CADPS2: variants seen among roughly 807,000 people sequenced by gnomAD.
CADPS2 encodes calcium dependent secretion activator 2.
In CADPS2, 93 loss-of-function variants were observed where a neutral mutation model predicts 172.5. The ratio of observed to expected loss-of-function variants is 0.54; its 90% CI spans 0.46 to 0.64. CADPS2 has a LOEUF of 0.64. Ranked by LOEUF, CADPS2 falls within the 30% of genes least tolerant of loss-of-function variation. The pLI is 0.00. For missense variants in CADPS2, 1,420 were observed against 1,565.9 expected (o/e 0.91, Z 1.57); for synonymous variants, 546 against 555.2 (o/e 0.98, Z 0.23).
chr7:122,697,942 G>A lies in CADPS2; in HGVS notation c.454-34373C>T, dbSNP rs944460381. ...CTCTTCACTAGGTGATAAGGTTTCA[G>A]GCAGTTCATTTGACATTAGAACTTG... On this transcript the variant is annotated intron_variant, in intron 2 of 29. Coordinates refer to ENST00000449022, the MANE Select transcript of CADPS2 (RefSeq NM_017954.11). 8 of 1,613,704 alleles carry A rather than the reference G, an allele frequency of 5.0e-6. No homozygotes were observed. In the African/African-American group the frequency reaches 1.1e-4, roughly 22 times the overall value.
At chr7:122,600,677 A>G (rs943307667) in intron 6 of CADPS2, among the ~76,000 whole-genome samples, 7 of 152,138 alleles carry the variant, frequency 4.6e-5, no homozygotes, top group Admixed American at 6.6e-5. Context: ...AAAGTCCAAC[A>G]AAAACTTGTT....
intron 1 of CADPS2, among the ~76,000 whole-genome samples, chr7:122,827,736 G>A (rs1805352958): frequency 6.6e-6 from 1 of 151,908 alleles, no homozygotes; most frequent in African/African-American, 2.4e-5. Flanking sequence ...ATTTTATGAA[G>A]GTGGCATTAT....
chr7:122,587,298 T>C (rs1052716727), intron 6 of CADPS2, among the ~76,000 whole-genome samples: 1 of 151,900 alleles, frequency 6.6e-6, no homozygotes, highest in Non-Finnish European at 1.5e-5. Context: ...CCAGTGTGTG[T>C]TGTTCCCCTC....
At chr7:122,384,524 A>G (rs1186492793) in intron 24 of CADPS2, among the ~76,000 whole-genome samples, 1 of 152,076 alleles carries the variant, frequency 6.6e-6, no homozygotes, top group African/African-American at 2.4e-5. Context: ...TCCGAAACTT[A>G]TCTCAGCATA....
intron 19 of CADPS2, among the ~76,000 whole-genome samples, chr7:122,411,120 C>T (rs1563269447): frequency 6.6e-6 from 1 of 152,148 alleles, no homozygotes; most frequent in Non-Finnish European, 1.5e-5. Context: ...TCCATCCATC[C>T]ATCTACCATC....
intron 11 of CADPS2, among the ~76,000 whole-genome samples, chr7:122,488,998 T>C (rs2058072280): frequency 6.6e-6 from 1 of 152,174 alleles, no homozygotes; most frequent in Non-Finnish European, 1.5e-5. Flanking sequence ...GAATGTGCTC[T>C]TTTTATTTTA....
intron 3 of CADPS2, among the ~76,000 whole-genome samples, chr7:122,644,080 AAAGGAAGGAAGGAATG>A (rs1307863875): frequency 6.6e-5 from 10 of 151,190 alleles, no homozygotes; most frequent in Admixed American, 3.9e-4. Context: ...GAAAGAAAAG[AAAGGAAGGAAGGAATG>A]AAGGAAGGAA....
intron 6 of CADPS2, among the ~76,000 whole-genome samples, chr7:122,597,419 T>C (rs774985212): frequency 2.6e-5 from 4 of 152,080 alleles, no homozygotes; most frequent in Non-Finnish European, 5.9e-5. Context: ...CCCCCTACAG[T>C]GTACATGTTG....
chr7:122,558,834 T>G (rs2065358240), intron 7 of CADPS2, among the ~76,000 whole-genome samples: 1 of 143,838 alleles, frequency 7.0e-6, no homozygotes, highest in South Asian at 2.3e-4. Context: ...GTGCATAAAC[T>G]CTGTGATCTG....
At chr7:122,572,202 G>T (rs143496641) in intron 7 of CADPS2, among the ~76,000 whole-genome samples, 1 of 152,066 alleles carries the variant, frequency 6.6e-6, no homozygotes, top group South Asian at 2.1e-4. Context: ...CTGCAAGATG[G>T]AATGGAAATT....
At chr7:122,866,181 A>C (rs1818266201) in intron 1 of CADPS2, among the ~76,000 whole-genome samples, 1 of 152,366 alleles carries the variant, frequency 6.6e-6, no homozygotes, top group South Asian at 2.1e-4. Flanking sequence ...TAACCATGTT[A>C]TAATCTCAAA....
At chr7:122,762,804 C>T (rs2093431789) in intron 1 of CADPS2, among the ~76,000 whole-genome samples, 1 of 152,060 alleles carries the variant, frequency 6.6e-6, no homozygotes, top group Non-Finnish European at 1.5e-5. Context: ...TCAAATGGCA[C>T]ATTTGCTAAG....
intron 20 of CADPS2, among the ~76,000 whole-genome samples, chr7:122,401,067 CCACTT>C (rs981995844): frequency 2.0e-5 from 3 of 152,268 alleles, no homozygotes; most frequent in African/African-American, 7.2e-5. Context: ...TAATTTGACT[CCACTT>C]CACTCTCCTT....
chr7:122,675,265 A>G (rs923827417), intron 2 of CADPS2, among the ~76,000 whole-genome samples: 3 of 152,274 alleles, frequency 2.0e-5, no homozygotes, highest in African/African-American at 7.2e-5. Context: ...AATGCAAAGG[A>G]GCCCGGGGCT....
At chr7:122,659,355 T>G (rs1383893528) in intron 3 of CADPS2, among the ~76,000 whole-genome samples, 2 of 148,568 alleles carry the variant, frequency 1.3e-5, no homozygotes, top group East Asian at 3.9e-4. Flanking sequence ...AGAATGCCTT[T>G]GATAGGCTCA....
At chr7:122,682,436 G>A (rs980977004) in intron 2 of CADPS2, among the ~76,000 whole-genome samples, 2 of 151,874 alleles carry the variant, frequency 1.3e-5, no homozygotes, top group Non-Finnish European at 2.9e-5. Context: ...ATGTTTCTTG[G>A]GCTATTTTCC....
At chr7:122,383,118 T>C (rs2043213787) in intron 24 of CADPS2, among the ~76,000 whole-genome samples, 1 of 152,120 alleles carries the variant, frequency 6.6e-6, no homozygotes, top group African/African-American at 2.4e-5. Flanking sequence ...AAAGAAAATA[T>C]GGTACATATA....
At chr7:122,776,478 G>A (rs2093885773) in intron 1 of CADPS2, among the ~76,000 whole-genome samples, 1 of 151,836 alleles carries the variant, frequency 6.6e-6, no homozygotes, top group Non-Finnish European at 1.5e-5. Flanking sequence ...GTAGAGTGGG[G>A]TACTGCTATA....
chr7:122,766,215 A>T (rs909851756), intron 1 of CADPS2, among the ~76,000 whole-genome samples: 100 of 152,068 alleles, frequency 6.6e-4, no homozygotes, highest in African/African-American at 2.4e-3. Flanking sequence ...ATTCATGAGG[A>T]ATCCACCCCC....
Sources: allele counts gnomAD v4.1 joint callset (sites outside exome capture counted in the v4.1 genomes callset), GRCh38; gene constraint gnomAD v4.1.1; transcripts MANE v1.5; gene names NCBI Gene and HGNC (gene_info 2026-07-23, HGNC 2026-07-21).